The following LRRC41 variants were observed in gnomAD, a reference collection of about 807,000 sequenced individuals.
LRRC41 encodes leucine-rich repeat-containing protein 41.
In LRRC41, 17 loss-of-function variants were observed where a neutral mutation model predicts 72.1. The observed-to-expected ratio is 0.24, with a 90% CI of 0.16 to 0.35. The LOEUF is 0.35. Among genes scored for constraint, LRRC41 ranks in the 10% least tolerant of loss-of-function variants. LRRC41 has a pLI of 1.00. For missense variants in LRRC41, 759 were observed against 1,065.0 expected (o/e 0.71, Z 4.00); for synonymous variants, 427 against 431.0 (o/e 0.99, Z 0.11).
At position 46,302,633 on chromosome 1, in the gene LRRC41, G is replaced by A. The variant is rs951781874; in HGVS notation, c.199+491C>T. The A allele has an allele frequency of 3.0e-5, 30 of 985,200 alleles. No homozygotes were observed. Among genetic ancestry groups the A allele is most frequent in the Admixed American group, 6.1e-5 (1 of 16,266 alleles). The allele number at this position is 985,200 out of a possible 1,614,324, so 61.0% of individuals were successfully genotyped here. On this transcript the variant is annotated intron_variant, in intron 1 of 9. Transcript: ENST00000617190. The surrounding 1 kb of genome is among the most constrained non-coding windows in gnomAD (Gnocchi z 4.7). ...TCCGGAATCTCGACCCCCGTGGCGTGTCAGGCAGATGCTGGAGCCCCGGGG... is the reference window on the plus strand; with the variant it reads ...TCCGGAATCTCGACCCCCGTGGCGTATCAGGCAGATGCTGGAGCCCCGGGG...
In LRRC41 at chr1:46,285,305, C is replaced by CA. The variant is rs758961082; in HGVS notation, c.1495+56dup. 2.5e-6 allele frequency: 4 copies of CA among 1,579,118 alleles called. No individual in the cohort carries two copies. The highest frequency in any genetic ancestry group is 2.6e-6 in the Non-Finnish European group (3 of 1,158,992). On this transcript the variant is annotated intron_variant, in intron 4 of 9. Transcript: ENST00000617190. The surrounding 1 kb of genome is among the most constrained non-coding windows in gnomAD (Gnocchi z 5.3). ...CCTCCCACCTCCCTAGAATTAGGCACACAGCTGGTGCTGCTAGGCAATCTA... is the reference window on the plus strand; with the variant it reads ...CCTCCCACCTCCCTAGAATTAGGCACAACAGCTGGTGCTGCTAGGCAATCTA...
intron 4 of LRRC41, 94 bp from the exon 5 acceptor site, chr1:46,281,479 A>G: frequency 8.1e-7 from 1 of 1,235,004 alleles, no homozygotes; most frequent in East Asian, 2.5e-5. Flanking sequence ...GGTTACTAGC[A>G]AATCTCTTGG....
At position 46,285,662 on chromosome 1, in the gene LRRC41, CCTT is replaced by C. The variant is rs748829221; in HGVS notation, c.1192_1194del (p.Lys398del). 1 of 1,614,142 alleles carries C rather than the reference CCTT, an allele frequency of 6.2e-7. No homozygotes were observed. Among genetic ancestry groups the C allele is most frequent in the South Asian group, 1.1e-5 (1 of 91,074 alleles). ...CCAGGCCCCTGACGGGTGCGAGCACCCTTCTTCCCTGCAGCTCGCTTGAAACGC... is the reference window on the plus strand; with the variant it reads ...CCAGGCCCCTGACGGGTGCGAGCACCCTTCCCTGCAGCTCGCTTGAAACGC... On this transcript the variant is annotated inframe_deletion, in exon 4 of 10. Coordinates refer to ENST00000617190, the MANE Select transcript of LRRC41 (RefSeq NM_006369.5). This position sits in a 1 kb window ranked among gnomAD's most constrained non-coding sequence, Gnocchi z 5.3.
Position 46,280,386 on chromosome 1 carries a change from TG to T in LRRC41, c.1921+9del. ...ACTCCTCTCCCTTCACCATTCTGGC[TG>T]GGTCCTACCTTTGAGTGTTTGCAAA... is the stretch of plus-strand genomic sequence containing the variant. On this transcript the variant is annotated intron_variant, in intron 6 of 9. Coordinates refer to ENST00000617190, the MANE Select transcript of LRRC41 (RefSeq NM_006369.5). 1 of 1,614,212 alleles carries T rather than the reference TG, an allele frequency of 6.2e-7. No homozygotes were observed. The highest frequency in any genetic ancestry group is 8.5e-7 in the Non-Finnish European group (1 of 1,180,030).
chr1:46,281,888 G>A (rs1224870432), intron 4 of LRRC41, among the ~76,000 whole-genome samples: 1 of 152,160 alleles, frequency 6.6e-6, no homozygotes, highest in African/African-American at 2.4e-5. Context: ...AGACCAGCCT[G>A]GCCAACATGG....
Position 46,289,761 on chromosome 1 carries a change from CA to C in LRRC41, c.358-3263del, listed in dbSNP as rs200145760. Among the ~76,000 whole-genome samples the C allele has an allele frequency of 2.0e-3, 290 of 144,406 alleles. 3 individuals carry two copies. Among genetic ancestry groups the C allele is most frequent in the African/African-American group, 6.5e-3 (256 of 39,462 alleles). 94.7% of individuals were successfully genotyped at this position (144,406 alleles called of 152,430 possible). A position where few individuals can be genotyped will look rare whatever the true frequency, so the allele number is the denominator to read the frequency against. ...GGGCGATAGAGCAAGACTCCGTCTC[CA>C]AAAAAAAAAGGAGTCTATGCTAAAA... On this transcript the variant is annotated intron_variant, in intron 3 of 9. Transcript: ENST00000617190.
Position 46,278,745 on chromosome 1 carries a change from A to C in LRRC41, c.*120T>G. On this transcript the variant is annotated 3_prime_UTR_variant, in exon 10 of 10. Transcript: ENST00000617190. ...CCTCAGTGCAAGGGAAGAAGGAAAA[A>C]AGAGAAAAAAGGTGACAGAAAGAGA... 9.7e-7 allele frequency: 1 copy of C among 1,028,820 alleles called. No homozygotes were observed. Among genetic ancestry groups the C allele is most frequent in the Non-Finnish European group, 1.4e-6 (1 of 699,380 alleles). The allele number at this position is 1,028,820 out of a possible 1,614,324, so 63.7% of individuals were successfully genotyped here.
intron 5 of LRRC41, 106 bp from the exon 6 acceptor site, chr1:46,280,666 T>G (rs1660754514): frequency 8.4e-7 from 1 of 1,190,684 alleles, no homozygotes. Flanking sequence ...TATTTATTCA[T>G]TCACTTGTCG....
intron 4 of LRRC41, among the ~76,000 whole-genome samples, chr1:46,283,912 C>A (rs901122510): frequency 2.0e-5 from 3 of 152,096 alleles, no homozygotes; most frequent in African/African-American, 7.2e-5. Flanking sequence ...GATCCACCCA[C>A]CTTGACCTCC....
Position 46,302,992 on chromosome 1 carries a change from A to C in LRRC41, c.199+132T>G. 1 of 1,312,190 alleles carries C rather than the reference A, an allele frequency of 7.6e-7. No individual in the cohort carries two copies. The highest frequency in any genetic ancestry group is 9.7e-7 in the Non-Finnish European group (1 of 1,034,414). The allele number at this position is 1,312,190 out of a possible 1,614,324, so 81.3% of individuals were successfully genotyped here. A position where few individuals can be genotyped will look rare whatever the true frequency, so the allele number is the denominator to read the frequency against. The stretch of plus-strand genomic sequence containing the variant: ...TGTCAGTCACAAAATTCATTCTCCG[A>C]TCCTACGAGCTGGCTTTCAGCGCCC... On this transcript the variant is annotated intron_variant, in intron 1 of 9. Transcript: ENST00000617190. The surrounding 1 kb of genome is among the most constrained non-coding windows in gnomAD (Gnocchi z 4.7).
intron 3 of LRRC41, among the ~76,000 whole-genome samples, chr1:46,293,995 C>G (rs1330014000): frequency 6.6e-6 from 1 of 151,742 alleles, no homozygotes; most frequent in East Asian, 1.9e-4. Flanking sequence ...CTCCTGACCT[C>G]AAGTATCTGC....
Position 46,286,114 on chromosome 1 carries a change from G to T in LRRC41, c.743C>A (p.Thr248Asn), listed in dbSNP as rs749299219. The T allele has an allele frequency of 4.3e-6, 7 of 1,614,088 alleles. No individual in the cohort carries two copies. The highest frequency in any genetic ancestry group is 5.9e-6 in the Non-Finnish European group (7 of 1,180,002). Residue 248 changes from threonine (T) to asparagine (N), a missense_variant, in exon 4 of 10, where the codon ACC (threonine) becomes AAC (asparagine). Around this residue, in one of 4 missense-constraint regions of LRRC41, gnomAD observed 427 missense variants for 520.9 expected, o/e 0.82. Transcript: ENST00000617190. This position sits in a 1 kb window ranked among gnomAD's most constrained non-coding sequence, Gnocchi z 5.5. ...PESALFILILTMSAGFWQPGP... is the reference protein window; with the variant it reads ...PESALFILILNMSAGFWQPGP... ...TGGTTGCCAGAAGCCAGCACTCATG[G>T]TGAGAATAAGGATGAAAAGGGCTGA...
In LRRC41 at chr1:46,302,551, T is replaced by C; in HGVS notation, c.199+573A>G. ...GACCCTTTCGTTCGGCCTCTCCCCC[T>C]GCCCCATTCCCTCGCTCTCCAATCT... On this transcript the variant is annotated intron_variant, in intron 1 of 9. Transcript: ENST00000617190. This position sits in a 1 kb window ranked among gnomAD's most constrained non-coding sequence, Gnocchi z 4.7. 3 of 983,950 alleles carry C rather than the reference T, an allele frequency of 3.0e-6. No homozygotes were observed. The highest frequency in any genetic ancestry group is 2.4e-6 in the Non-Finnish European group (2 of 829,626). The allele number at this position is 983,950 out of a possible 1,614,324, so 61.0% of individuals were successfully genotyped here.
Position 46,285,437 on chromosome 1 carries a change from T to C in LRRC41, c.1420A>G (p.Thr474Ala), listed in dbSNP as rs781538397. ...TLELFTVPLS[T>A]EAALTLCHLL... is the part of the protein sequence containing the mutation. ...TGGCATAGTGTCAGGGCTGCCTCTG[T>C]GGAGAGTGGAACTGTGAATAGCTCC... The change falls in exon 4 of 10, where the codon ACA becomes GCA. Residue 474 changes from threonine (T) to alanine (A), a missense_variant. Thr to Ala is a moderately conservative substitution (Grantham distance 58). Coordinates refer to ENST00000617190, the MANE Select transcript of LRRC41 (RefSeq NM_006369.5). The surrounding 1 kb of genome is among the most constrained non-coding windows in gnomAD (Gnocchi z 5.3). 7 of 1,613,996 alleles carry C rather than the reference T, an allele frequency of 4.3e-6. No homozygotes were observed. The African/African-American group carries it at 8.0e-5, about 18-fold the overall frequency.
chr1:46,303,062 C>G (rs1661280267), intron 1 of LRRC41, 62 bp downstream of exon 1: 1 of 1,342,298 alleles, frequency 7.4e-7, no homozygotes, highest in Admixed American at 3.7e-5. Context: ...CCCCCCGCGC[C>G]CCCCGGCCGC....
Position 46,278,973 on chromosome 1 carries a change from A to G in LRRC41, c.2331T>C (p.Asp777=), listed in dbSNP as rs989864248. ...LRLFQNWLDQ[D]AVTAREAIRR... is the part of the protein sequence containing the mutation. ...GGATGGCTTCCCTGGCTGTGACTGC[A>G]TCCTGGTCCAGCCAGTTTTGGAAGA... The change falls in exon 10 of 10, where the codon GAT becomes GAC. Residue 777 remains aspartate (D), a synonymous_variant. Transcript: ENST00000617190. 1 of 1,614,106 alleles carries G rather than the reference A, an allele frequency of 6.2e-7. No homozygotes were observed. The highest frequency in any genetic ancestry group is 8.5e-7 in the Non-Finnish European group (1 of 1,180,030).
intron 3 of LRRC41, among the ~76,000 whole-genome samples, chr1:46,289,179 A>G (rs565088575): frequency 1.3e-5 from 2 of 152,236 alleles, no homozygotes; most frequent in African/African-American, 2.4e-5. Flanking sequence ...CACCCCAGAC[A>G]CAACTGCAGT....
chr1:46,290,936 T>G (rs1312336797), intron 3 of LRRC41, among the ~76,000 whole-genome samples: 1 of 147,332 alleles, frequency 6.8e-6, no homozygotes, highest in Non-Finnish European at 1.5e-5. Flanking sequence ...TTTTTTTTTT[T>G]TTTTTTTTAA....
rs1660862439 is a variant in LRRC41 at position 46,285,307 on chromosome 1, CA to C, written c.1495+54del. 2 of 1,582,176 alleles carry C rather than the reference CA, an allele frequency of 1.3e-6. No individual in the cohort carries two copies. Among genetic ancestry groups the C allele is most frequent in the African/African-American group, 2.7e-5 (2 of 74,164 alleles). On this transcript the variant is annotated intron_variant, in intron 4 of 9. Transcript: ENST00000617190. This position sits in a 1 kb window ranked among gnomAD's most constrained non-coding sequence, Gnocchi z 5.3. Reference sequence around the variant, plus strand: ...TCCCACCTCCCTAGAATTAGGCACACAGCTGGTGCTGCTAGGCAATCTAAGC... The same window carrying C: ...TCCCACCTCCCTAGAATTAGGCACACGCTGGTGCTGCTAGGCAATCTAAGC...
Sources: gnomAD v4.1 joint callset for allele counts (sites outside exome capture counted in the v4.1 genomes callset) on GRCh38, gnomAD v4.1.1 for gene constraint, gnomAD v4.1.1 regional missense constraint, Gnocchi (gnomAD v3.1) non-coding constraint, MANE v1.5 for transcripts, NCBI Gene and HGNC (gene_info 2026-07-23, HGNC 2026-07-21) for gene names.